CDH13: variants seen among roughly 807,000 people sequenced by gnomAD.
The protein encoded by CDH13 is cadherin-13.
A neutral mutation model predicts 63.8 loss-of-function variants in CDH13; 24 were observed. The ratio of observed to expected loss-of-function variants is 0.38; its 90% CI spans 0.27 to 0.53. The LOEUF is 0.53. Among genes scored for constraint, CDH13 ranks in the 20% least tolerant of loss-of-function variants. CDH13 has a pLI of 0.85. For missense variants in CDH13, 1,049 were observed against 903.1 expected (o/e 1.16, Z -2.07); for synonymous variants, 503 against 355.3 (o/e 1.42, Z -4.67).
At chr16:82,756,080 T>C (rs181079936) in intron 1 of CDH13, among the ~76,000 whole-genome samples, 1 of 152,308 alleles carries the variant, frequency 6.6e-6, no homozygotes, top group East Asian at 1.9e-4. Flanking sequence ...ACAAGATCAG[T>C]GTTCAATATT....
chr16:83,585,310 T>G (rs1906039470), intron 7 of CDH13, among the ~76,000 whole-genome samples: 1 of 152,100 alleles, frequency 6.6e-6, no homozygotes. Context: ...GACACAACAG[T>G]AACCCAAACT....
At chr16:83,383,950 A>G (rs2091621378) in intron 6 of CDH13, among the ~76,000 whole-genome samples, 1 of 152,180 alleles carries the variant, frequency 6.6e-6, no homozygotes, top group South Asian at 2.1e-4. Flanking sequence ...ACACACACAT[A>G]TACATACACA....
intron 7 of CDH13, among the ~76,000 whole-genome samples, chr16:83,594,055 A>G (rs140105748): frequency 9.8e-5 from 15 of 152,322 alleles, no homozygotes; most frequent in African/African-American, 2.2e-4. Flanking sequence ...GCTACAAGCA[A>G]TGTGTTCAGA....
intron 10 of CDH13, 117 bp from the exon 11 acceptor site, chr16:83,747,991 T>C (rs1023091305): frequency 1.9e-6 from 2 of 1,054,240 alleles, no homozygotes; most frequent in Non-Finnish European, 2.9e-6. Context: ...ATGATGGTTT[T>C]GGATTTTTGT....
intron 1 of CDH13, among the ~76,000 whole-genome samples, chr16:82,748,128 T>C (rs2034258522): frequency 6.6e-6 from 1 of 152,162 alleles, no homozygotes; most frequent in South Asian, 2.1e-4. Context: ...TGCACTATAA[T>C]AAATGACTCC....
intron 11 of CDH13, among the ~76,000 whole-genome samples, chr16:83,774,400 T>A (rs1597212444): frequency 1.3e-5 from 2 of 151,388 alleles, no homozygotes; most frequent in Non-Finnish European, 2.9e-5. Context: ...TGAGACAGAG[T>A]CTTGCTCTGC....
At chr16:82,678,345 G>T (rs1165929528) in intron 1 of CDH13, among the ~76,000 whole-genome samples, 2 of 144,428 alleles carry the variant, frequency 1.4e-5, no homozygotes, top group African/African-American at 5.2e-5. Flanking sequence ...AGCTCTGAAA[G>T]CTCAATTTTT....
At chr16:82,716,570 G>A (rs1052032904) in intron 1 of CDH13, among the ~76,000 whole-genome samples, 8 of 149,350 alleles carry the variant, frequency 5.4e-5, no homozygotes. Context: ...AGAGAAGGCT[G>A]AGGAGGGACA....
At chr16:82,658,669 T>G (rs569991460) in intron 1 of CDH13, among the ~76,000 whole-genome samples, 2 of 152,306 alleles carry the variant, frequency 1.3e-5, no homozygotes, top group East Asian at 3.9e-4. Context: ...TGGGTTAAAT[T>G]ATACCTAAAG....
chr16:83,762,738 C>G (rs1483053118), intron 11 of CDH13, among the ~76,000 whole-genome samples: 1 of 152,190 alleles, frequency 6.6e-6, no homozygotes, highest in Non-Finnish European at 1.5e-5. Context: ...TTCCTGCCTC[C>G]TTCTTACTGG....
chr16:83,124,870 G>T (rs909161783), intron 3 of CDH13, among the ~76,000 whole-genome samples: 1 of 152,110 alleles, frequency 6.6e-6, no homozygotes, highest in Non-Finnish European at 1.5e-5. Context: ...TCTCTGTTCT[G>T]TTCCATTAAT....
intron 3 of CDH13, among the ~76,000 whole-genome samples, chr16:83,103,812 T>C (rs2034632775): frequency 1.3e-5 from 2 of 152,188 alleles, no homozygotes; most frequent in South Asian, 4.1e-4. Context: ...GCTCAAAAAA[T>C]GCACACAGTA....
At chr16:83,322,778 G>C (rs2090259041) in intron 5 of CDH13, among the ~76,000 whole-genome samples, 1 of 152,064 alleles carries the variant, frequency 6.6e-6, no homozygotes, top group Non-Finnish European at 1.5e-5. Context: ...TATAATGTCA[G>C]GACCATCTCC....
intron 2 of CDH13, among the ~76,000 whole-genome samples, chr16:82,975,586 C>A (rs1437557452): frequency 1.3e-5 from 2 of 152,222 alleles, no homozygotes; most frequent in African/African-American, 4.8e-5. Flanking sequence ...TGGCACCCAA[C>A]AAATAATCAT....
At chr16:82,920,385 A>G (rs2042117045) in intron 2 of CDH13, among the ~76,000 whole-genome samples, 1 of 152,228 alleles carries the variant, frequency 6.6e-6, no homozygotes, top group African/African-American at 2.4e-5. Context: ...TTCAAACCAA[A>G]GCACAGGATG....
At chr16:82,819,224 G>T (rs1456355097) in intron 1 of CDH13, among the ~76,000 whole-genome samples, 1 of 152,118 alleles carries the variant, frequency 6.6e-6, no homozygotes. Flanking sequence ...TCAATTAATT[G>T]ATCTAAATTA....
intron 9 of CDH13, among the ~76,000 whole-genome samples, chr16:83,673,372 T>C (rs1415717522): frequency 1.3e-5 from 2 of 152,136 alleles, no homozygotes; most frequent in Non-Finnish European, 2.9e-5. Context: ...TCATCCCCGC[T>C]CAGGAGTACT....
chr16:82,769,451 G>A lies in CDH13; in HGVS notation c.46-88911G>A, dbSNP rs371869109. ...GTATTAAAAAGGCTTCATGCCCTCA[G>A]CATCAGGGAAGAAGAAGAAATAAAG... is the stretch of plus-strand genomic sequence containing the variant. On this transcript the variant is annotated intron_variant, in intron 1 of 13. Transcript: ENST00000567109. Among the ~76,000 whole-genome samples the A allele has an allele frequency of 5.3e-5, 8 of 152,264 alleles. No individual in the cohort carries two copies. In the East Asian group the frequency reaches 1.5e-3, roughly 29 times the overall value.
At chr16:83,773,474 T>C (rs928053961) in intron 11 of CDH13, among the ~76,000 whole-genome samples, 1 of 152,142 alleles carries the variant, frequency 6.6e-6, no homozygotes, top group Non-Finnish European at 1.5e-5. Flanking sequence ...AGAGAAGTGC[T>C]AGCAGGTTAA....
Sources: gnomAD v4.1 joint callset for allele counts (sites outside exome capture counted in the v4.1 genomes callset) on GRCh38, gnomAD v4.1.1 for gene constraint, MANE v1.5 for transcripts, NCBI Gene and HGNC (gene_info 2026-07-23, HGNC 2026-07-21) for gene names.